CEACAM18: variants seen among roughly 807,000 people sequenced by gnomAD.
The protein encoded by CEACAM18 is CEA cell adhesion molecule 18.
In CEACAM18, 33 loss-of-function variants were observed where a neutral mutation model predicts 34.3. The observed-to-expected ratio is 0.96, with a 90% CI of 0.73 to 1.29. The LOEUF (loss-of-function observed/expected upper bound fraction) is 1.29. Ranked by LOEUF, CEACAM18 falls within the 50% of genes most tolerant of loss-of-function variation. The pLI is 0.00. For synonymous variants in CEACAM18, 169 were observed against 180.9 expected, an observed-to-expected ratio of 0.93 and a Z score of 0.53; for missense variants, 474 against 485.0, an observed-to-expected ratio of 0.98 and a Z score of 0.21.
intron 5 of CEACAM18, among the ~76,000 whole-genome samples, chr19:51,489,200 T>C (rs1990049616): frequency 1.3e-5 from 2 of 148,382 alleles, no homozygotes; most frequent in African/African-American, 5.0e-5. Context: ...TAGGTTGACA[T>C]TAAGTCAACC....
rs184448396 is a variant in CEACAM18 at position 51,484,749 on chromosome 19, G to T, written c.954-238G>T. ...CTCTATTCACTTATGGTTGCTTGCA[G>T]TGTGAGACATCTCTTTGCTTAATTG... is the stretch of plus-strand genomic sequence containing the variant. On this transcript the variant is annotated intron_variant, in intron 4 of 5. Transcript: ENST00000396477. Among the ~76,000 whole-genome samples the T allele has an allele frequency of 3.9e-4, 59 of 152,332 alleles. 1 individual carries two copies. Among genetic ancestry groups the T allele is most frequent in the African/African-American group, 1.4e-3 (57 of 41,570 alleles).
At chr19:51,489,353 G>A (rs1038979472) in intron 5 of CEACAM18, among the ~76,000 whole-genome samples, 1 of 151,302 alleles carries the variant, frequency 6.6e-6, no homozygotes, top group East Asian at 2.0e-4. Context: ...CAGCTACCAC[G>A]ATCCAGCCCC....
At chr19:51,480,616 C>G in exon 2 of CEACAM18, 3 of 1,613,998 alleles carry the variant, frequency 1.9e-6, no homozygotes, top group Non-Finnish European at 8.5e-7. Flanking sequence ...ACACGGGAAA[C>G]TACACTGTTC....
At chr19:51,489,861 A>G (rs1990061814) in intron 5 of CEACAM18, among the ~76,000 whole-genome samples, 1 of 152,132 alleles carries the variant, frequency 6.6e-6, no homozygotes. Context: ...TCAATGTGCA[A>G]TTCTAAACTG....
exon 2 of CEACAM18, chr19:51,480,410 C>G: frequency 6.2e-7 from 1 of 1,613,116 alleles, no homozygotes; most frequent in East Asian, 2.2e-5. Context: ...CAAGGGATAT[C>G]GGACTGTCGT....
At chr19:51,478,974 A>G (rs1052800016) in intron 1 of CEACAM18, among the ~76,000 whole-genome samples, 16 of 151,648 alleles carry the variant, frequency 1.1e-4, no homozygotes, top group Admixed American at 9.2e-4. Context: ...ACACGCGCGC[A>G]CACACAGAGA....
chr19:51,486,411 G>A (rs1990000708), intron 5 of CEACAM18, among the ~76,000 whole-genome samples: 1 of 152,158 alleles, frequency 6.6e-6, no homozygotes, highest in African/African-American at 2.4e-5. Context: ...GACCAAGGGT[G>A]CAGCTGGGTC....
At chr19:51,480,640 C>T in exon 2 of CEACAM18, 1 of 1,613,644 alleles carries the variant, frequency 6.2e-7, no homozygotes, top group Non-Finnish European at 8.5e-7. Context: ...TGGTTGCAGG[C>T]AATGAGACCC....
At chr19:51,480,374 A>C (rs1055668189) in exon 2 of CEACAM18, 1 of 1,612,524 alleles carries the variant, frequency 6.2e-7, no homozygotes, top group Non-Finnish European at 8.5e-7. Context: ...CTCTGGCCAA[A>C]TCTTCATCAC....
chr19:51,490,729 G>A, exon 6 of CEACAM18: 1 of 831,838 alleles, frequency 1.2e-6, no homozygotes, highest in Admixed American at 4.3e-5. Context: ...CTCTTTGGAG[G>A]GTACTGGCAA....
chr19:51,480,592 G>T, exon 2 of CEACAM18: 1 of 1,613,962 alleles, frequency 6.2e-7, no homozygotes, highest in South Asian at 1.1e-5. Context: ...TGATCAGGCC[G>T]ACTGCATTAA....
intron 4 of CEACAM18, 126 bp from the exon 5 acceptor site, chr19:51,484,861 C>G: frequency 8.4e-7 from 1 of 1,188,490 alleles, no homozygotes; most frequent in Non-Finnish European, 1.2e-6. Flanking sequence ...GTACCTGGAA[C>G]AGTGCTTTGC....
downstream of CEACAM18, chr19:51,490,981 C>A: frequency 4.6e-6 from 1 of 218,498 alleles, no homozygotes; most frequent in Non-Finnish European, 8.9e-6. Flanking sequence ...TTTCTTCACC[C>A]ATGGAATCAA....
exon 3 of CEACAM18, chr19:51,481,471 T>A (rs8106673): frequency 0.79 from 1,278,589 of 1,613,832 alleles, 508,944 homozygotes; most frequent in African/African-American, 0.94. Flanking sequence ...GCTGACTGCC[T>A]CACAAATGTC....
exon 4 of CEACAM18, chr19:51,483,050 CTGA>C (rs773285417): frequency 2.5e-6 from 4 of 1,614,026 alleles, no homozygotes; most frequent in Non-Finnish European, 3.4e-6. Context: ...AGGAGCAATC[CTGA>C]TGATTTCAAC....
intron 1 of CEACAM18, among the ~76,000 whole-genome samples, chr19:51,479,574 A>G: frequency 6.6e-6 from 1 of 152,192 alleles, no homozygotes; most frequent in East Asian, 1.9e-4. Context: ...CCCAGAGGTC[A>G]TGGCTGGGAT....
intron 1 of CEACAM18, among the ~76,000 whole-genome samples, chr19:51,479,323 T>A: frequency 6.6e-6 from 1 of 152,144 alleles, no homozygotes; most frequent in East Asian, 1.9e-4. Flanking sequence ...ATGTCATATG[T>A]GGTAACAGGC....
chr19:51,489,481 TG>T (rs1266930783), intron 5 of CEACAM18, among the ~76,000 whole-genome samples: 2 of 151,990 alleles, frequency 1.3e-5, no homozygotes, highest in Non-Finnish European at 2.9e-5. Context: ...CTAGAATAAA[TG>T]GTGGGGCAAG....
exon 3 of CEACAM18, chr19:51,481,565 C>T (rs1273245940): frequency 6.2e-7 from 1 of 1,613,892 alleles, no homozygotes; most frequent in Non-Finnish European, 8.5e-7. Flanking sequence ...AGACCCTCGT[C>T]ATCCTCAGGG....
Sources: allele counts gnomAD v4.1 joint callset (sites outside exome capture counted in the v4.1 genomes callset), GRCh38; gene constraint gnomAD v4.1.1; transcripts MANE v1.5; gene names NCBI Gene and HGNC (gene_info 2026-07-23, HGNC 2026-07-21).